Variants in SLC13A3 observed in about 807,000 individuals in gnomAD.
SLC13A3 encodes solute carrier family 13 member 3.
SLC13A3 carries 40 observed loss-of-function variants against 59.0 expected under a neutral mutation model. The ratio of observed to expected loss-of-function variants is 0.68; its 90% CI spans 0.53 to 0.88. The LOEUF (loss-of-function observed/expected upper bound fraction) is 0.88. SLC13A3 is among the 40% of genes least tolerant of loss of function. The pLI, the probability that SLC13A3 is intolerant of heterozygous loss-of-function variation, is 0.00. For missense variants in SLC13A3, 699 were observed against 783.2 expected (o/e 0.89, Z 1.28); for synonymous variants, 317 against 330.3 (o/e 0.96, Z 0.44).
At chr20:46,606,340 C>T (rs931061945) in intron 3 of SLC13A3, among the ~76,000 whole-genome samples, 8 of 152,140 alleles carry the variant, frequency 5.3e-5, no homozygotes, top group Admixed American at 1.3e-4. Context: ...TCGTTTCTCA[C>T]GTAAGAGGCA....
chr20:46,675,681 G>C (rs2063120765), intron 1 of SLC13A3, among the ~76,000 whole-genome samples: 1 of 150,036 alleles, frequency 6.7e-6, no homozygotes, highest in African/African-American at 2.5e-5. Context: ...CCTGGGCCCA[G>C]GAGATCCTTC....
chr20:46,613,618 C>T lies in SLC13A3; in HGVS notation c.219G>A (p.Met73Ile). 1 of 1,612,688 alleles carries T rather than the reference C, an allele frequency of 6.2e-7. No individual in the cohort carries two copies. The highest frequency in any genetic ancestry group is 1.3e-5 in the African/African-American group (1 of 74,998). The change falls in exon 2 of 13, where the codon ATG (methionine) becomes ATA (isoleucine). Residue 73 changes from methionine to isoleucine, a missense_variant. By Grantham distance (10) the Met-to-Ile change is conservative. Transcript: ENST00000279027. ...AGACCTTGTTGGAGGGCAAGATGCC[C>T]ATGAAGGGGAAGAGGACGATGGGCA... is the stretch of plus-strand genomic sequence containing the variant. ...ALLPIVLFPF[M>I]GILPSNKVCP...
intron 1 of SLC13A3, among the ~76,000 whole-genome samples, chr20:46,678,055 C>T (rs1336002949): frequency 2.0e-5 from 3 of 152,346 alleles, no homozygotes; most frequent in Non-Finnish European, 2.9e-5. Context: ...CCTACAGTTA[C>T]AGCCACCCAC....
chr20:46,565,804 A>G (rs2061975527), intron 11 of SLC13A3, among the ~76,000 whole-genome samples: 1 of 152,232 alleles, frequency 6.6e-6, no homozygotes, highest in African/African-American at 2.4e-5. Context: ...TGCACGGATC[A>G]GCCCCATACA....
chr20:46,613,543 G>C lies in SLC13A3; in HGVS notation c.294C>G (p.Ile98Met), dbSNP rs1486727678. Residue 98 changes from isoleucine to methionine, a missense_variant, in exon 2 of 13, where the codon ATC (isoleucine) becomes ATG (methionine). By Grantham distance (10) the Ile-to-Met change is conservative. Transcript: ENST00000279027. Reference sequence around the variant, plus strand: ...TCCACTCCTCAATGGCGCTGGCCATGATCAGCCCACTGAGGAAGAGGAAGT... The same window carrying C: ...TCCACTCCTCAATGGCGCTGGCCATCATCAGCCCACTGAGGAAGAGGAAGT... The part of the protein sequence containing the change: ...DTNFLFLSGL[I>M]MASAIEEWNL... The C allele has an allele frequency of 2.2e-5, 36 of 1,613,976 alleles. No homozygotes were observed. The highest frequency in any genetic ancestry group is 2.9e-5 in the Non-Finnish European group (34 of 1,179,996).
intron 1 of SLC13A3, among the ~76,000 whole-genome samples, chr20:46,620,645 A>G (rs1409407813): frequency 6.6e-6 from 1 of 152,224 alleles, no homozygotes; most frequent in African/African-American, 2.4e-5. Flanking sequence ...TGAGGCCTGC[A>G]GTGGCAGAGC....
At chr20:46,627,914 T>C (rs998476421) in intron 1 of SLC13A3, among the ~76,000 whole-genome samples, 5 of 152,188 alleles carry the variant, frequency 3.3e-5, no homozygotes, top group African/African-American at 1.2e-4. Flanking sequence ...TTCAGGACCA[T>C]GCAGAGCCTA....
chr20:46,645,186 G>A (rs747688120), intron 1 of SLC13A3, among the ~76,000 whole-genome samples: 1 of 152,084 alleles, frequency 6.6e-6, no homozygotes, highest in Admixed American at 6.5e-5. Flanking sequence ...ATTACCTTCC[G>A]ATTTCAACTT....
chr20:46,566,347 A>G lies in SLC13A3; in HGVS notation c.1376T>C (p.Leu459Pro). The change falls in exon 11 of 13, where the codon CTG becomes CCG. Residue 459 changes from leucine to proline, a missense_variant. Physicochemically the swap from Leu to Pro is moderately conservative, Grantham distance 98. Transcript: ENST00000279027. ...AGCCAGGGCGGGGGGCACATTCTCCAGGGGGTGCAGCTGCCCACCAATCCA... is the reference window on the plus strand; with the variant it reads ...AGCCAGGGCGGGGGGCACATTCTCCGGGGGGTGCAGCTGCCCACCAATCCA... ...SVWIGGQLHP[L>P]ENVPPALAVL... The G allele has an allele frequency of 6.2e-7, 1 of 1,612,648 alleles. No individual in the cohort carries two copies. Among genetic ancestry groups the G allele is most frequent in the Non-Finnish European group, 8.5e-7 (1 of 1,178,874 alleles).
intron 1 of SLC13A3, among the ~76,000 whole-genome samples, chr20:46,619,716 T>C (rs1480685453): frequency 3.3e-5 from 5 of 152,202 alleles, no homozygotes; most frequent in African/African-American, 1.2e-4. Context: ...CTTTTCCTTT[T>C]GCCAGGAACA....
In SLC13A3 at chr20:46,583,649, G is replaced by C; in HGVS notation, c.1142C>G (p.Thr381Ser). ...FNPGFLSDAV[T>S]GVAIVTILFF... is the part of the protein sequence containing the mutation. ...CAAGATGGTGACAATAGCCACGCCGGTGACAGCATCAGAAAGAAACCTACA... is the reference window on the plus strand; with the variant it reads ...CAAGATGGTGACAATAGCCACGCCGCTGACAGCATCAGAAAGAAACCTACA... The change falls in exon 9 of 13, where the codon ACC (threonine) becomes AGC (serine). Residue 381 changes from threonine (T) to serine (S), a missense_variant. Physicochemically the swap from Thr to Ser is moderately conservative, Grantham distance 58 (BLOSUM62 1). Coordinates refer to ENST00000279027, the MANE Select transcript of SLC13A3 (RefSeq NM_022829.6). 1 of 1,614,082 alleles carries C rather than the reference G, an allele frequency of 6.2e-7. No individual in the cohort carries two copies. Among genetic ancestry groups the C allele is most frequent in the Non-Finnish European group, 8.5e-7 (1 of 1,180,004 alleles).
intron 3 of SLC13A3, among the ~76,000 whole-genome samples, chr20:46,610,170 A>C (rs1189230004): frequency 2.0e-5 from 3 of 152,240 alleles, no homozygotes; most frequent in African/African-American, 7.2e-5. Context: ...TACTTACTTC[A>C]TAGAGCTGTT....
Position 46,596,355 on chromosome 20 carries a change from C to G in SLC13A3, c.609-13G>C, listed in dbSNP as rs1351352797. The G allele has an allele frequency of 1.2e-6, 2 of 1,612,500 alleles. No individual in the cohort carries two copies. Among genetic ancestry groups the G allele is most frequent in the South Asian group, 2.2e-5 (2 of 90,820 alleles). ...AGGGTGGTCTTTGCTTTAAACAAAT[C>G]CAAAGAGAAGCCATTCAGAATACAT... is the stretch of plus-strand genomic sequence containing the variant. On this transcript the variant is annotated splice_polypyrimidine_tract_variant and intron_variant, in intron 4 of 12. Coordinates refer to ENST00000279027, the MANE Select transcript of SLC13A3 (RefSeq NM_022829.6).
intron 1 of SLC13A3, among the ~76,000 whole-genome samples, chr20:46,683,769 C>A (rs1285945349): frequency 6.6e-6 from 1 of 152,170 alleles, no homozygotes; most frequent in Non-Finnish European, 1.5e-5. Flanking sequence ...CCCAGACAAG[C>A]CTGCTTCTCC....
intron 1 of SLC13A3, among the ~76,000 whole-genome samples, 171 bp downstream of exon 1, chr20:46,651,140 A>G (rs1269961248): frequency 1.3e-5 from 2 of 152,170 alleles, no homozygotes; most frequent in African/African-American, 2.4e-5. Context: ...AAGAGGGAAG[A>G]GGCGTTAGGA....
At chr20:46,668,233 C>A (rs1408046425) in intron 1 of SLC13A3, among the ~76,000 whole-genome samples, 1 of 152,206 alleles carries the variant, frequency 6.6e-6, no homozygotes, top group Non-Finnish European at 1.5e-5. Context: ...CGAAAGCCAA[C>A]ACAGGCCAAA....
chr20:46,672,503 C>T (rs979440105), upstream of SLC13A3, among the ~76,000 whole-genome samples: 7 of 152,186 alleles, frequency 4.6e-5, no homozygotes, highest in African/African-American at 1.4e-4. Flanking sequence ...CATGCGGCTT[C>T]CCATCTAGTG....
At chr20:46,604,876 G>T (rs2062421571) in intron 3 of SLC13A3, among the ~76,000 whole-genome samples, 1 of 152,112 alleles carries the variant, frequency 6.6e-6, no homozygotes, top group Non-Finnish European at 1.5e-5. Context: ...GGGATGGCCA[G>T]ACAGTAAGAA....
chr20:46,655,451 G>A, upstream of SLC13A3, among the ~76,000 whole-genome samples: 1 of 148,774 alleles, frequency 6.7e-6, no homozygotes, highest in Non-Finnish European at 1.5e-5. Context: ...CTCGGCTTCT[G>A]GGGAGGCCTC....
Sources: allele counts gnomAD v4.1 joint callset (sites outside exome capture counted in the v4.1 genomes callset), GRCh38; gene constraint gnomAD v4.1.1; transcripts MANE v1.5; gene names NCBI Gene and HGNC (gene_info 2026-07-23, HGNC 2026-07-21).